Variants in PSMD14 observed in about 807,000 individuals in gnomAD.
The protein encoded by PSMD14 is ubiquitin C-terminal hydrolase PSMD14.
Under a neutral mutation model 41.2 loss-of-function variants are expected in PSMD14, and 7 were observed. That is an observed-to-expected ratio of 0.17 (90% confidence interval 0.10 to 0.32). The LOEUF (loss-of-function observed/expected upper bound fraction) is 0.32. Among genes scored for constraint, PSMD14 ranks in the 10% least tolerant of loss-of-function variants. PSMD14 has a pLI of 1.00. For missense variants in PSMD14, 139 were observed against 375.6 expected (o/e 0.37, Z 5.21); for synonymous variants, 114 against 122.3 (o/e 0.93, Z 0.45).
intron 10 of PSMD14, among the ~76,000 whole-genome samples, chr2:161,405,899 A>C (rs540654746): frequency 2.0e-5 from 3 of 152,304 alleles, no homozygotes; most frequent in African/African-American, 7.2e-5. Flanking sequence ...ATGATGTGGA[A>C]TAAGAGAGAT....
intron 10 of PSMD14, among the ~76,000 whole-genome samples, chr2:161,407,117 A>G (rs1447897554): frequency 6.6e-6 from 1 of 152,124 alleles, no homozygotes; most frequent in Non-Finnish European, 1.5e-5. Flanking sequence ...ATGGAGTACA[A>G]ACTTATGTGA....
At chr2:161,337,094 T>A (rs1681288490) in intron 3 of PSMD14, among the ~76,000 whole-genome samples, 1 of 152,238 alleles carries the variant, frequency 6.6e-6, no homozygotes, top group African/African-American at 2.4e-5. Context: ...GTATGCTGAT[T>A]AAGAATCAAT....
At chr2:161,367,053 A>G (rs1051029577) in intron 3 of PSMD14, among the ~76,000 whole-genome samples, 1 of 152,142 alleles carries the variant, frequency 6.6e-6, no homozygotes, top group African/African-American at 2.4e-5. Flanking sequence ...CTTCTCCTCC[A>G]CTGTTGTGAT....
intron 3 of PSMD14, among the ~76,000 whole-genome samples, chr2:161,345,834 CCAAT>C (rs897585010): frequency 5.9e-5 from 9 of 151,918 alleles, no homozygotes; most frequent in African/African-American, 2.4e-5. Flanking sequence ...ATTTTTTTCC[CCAAT>C]CATTTTGCCC....
intron 3 of PSMD14, among the ~76,000 whole-genome samples, chr2:161,326,975 T>C (rs1387091997): frequency 6.6e-6 from 1 of 152,152 alleles, no homozygotes; most frequent in African/African-American, 2.4e-5. Flanking sequence ...GTTGAATCTG[T>C]GGATGAGAAA....
At chr2:161,383,787 T>C (rs952757769) in intron 7 of PSMD14, 41 of 151,646 alleles carry the variant, frequency 2.7e-4, no homozygotes, top group Non-Finnish European at 8.9e-5. Context: ...ATTTAAGTTA[T>C]ATACCTATCT....
At chr2:161,315,330 T>C (rs188761391) in intron 1 of PSMD14, among the ~76,000 whole-genome samples, 27 of 152,356 alleles carry the variant, frequency 1.8e-4, no homozygotes, top group African/African-American at 6.0e-4. Context: ...AATTTTATTG[T>C]CATCATTAGA....
At chr2:161,361,984 T>C (rs1683295446) in intron 3 of PSMD14, among the ~76,000 whole-genome samples, 1 of 152,348 alleles carries the variant, frequency 6.6e-6, no homozygotes, top group African/African-American at 2.4e-5. Flanking sequence ...TTTCTTGATT[T>C]CCTACTGTTG....
At chr2:161,406,015 A>C in intron 10 of PSMD14, among the ~76,000 whole-genome samples, 1 of 152,116 alleles carries the variant, frequency 6.6e-6, no homozygotes, top group East Asian at 1.9e-4. Context: ...AAAACAACAA[A>C]AAATCCATTG....
chr2:161,368,269 C>G (rs1237403900), intron 5 of PSMD14, among the ~76,000 whole-genome samples: 4 of 152,056 alleles, frequency 2.6e-5, no homozygotes, highest in Non-Finnish European at 5.9e-5. Flanking sequence ...TTTCAACTCA[C>G]ATATACTGGT....
intron 1 of PSMD14, among the ~76,000 whole-genome samples, chr2:161,313,449 A>C (rs1352985009): frequency 2.0e-5 from 3 of 152,150 alleles, no homozygotes; most frequent in Admixed American, 2.0e-4. Flanking sequence ...TCCTGGGTTC[A>C]AGTGGTCCTC....
At chr2:161,311,876 A>G (rs554710654) in intron 1 of PSMD14, among the ~76,000 whole-genome samples, 2 of 151,628 alleles carry the variant, frequency 1.3e-5, no homozygotes, top group East Asian at 2.0e-4. Flanking sequence ...CGGCCTCCCA[A>G]AGAGCTGGGA....
At chr2:161,393,287 C>T (rs1243082335) in intron 9 of PSMD14, among the ~76,000 whole-genome samples, 1 of 152,136 alleles carries the variant, frequency 6.6e-6, no homozygotes, top group Non-Finnish European at 1.5e-5. Flanking sequence ...TGTAGCAGCA[C>T]CCACATTTCC....
intron 3 of PSMD14, among the ~76,000 whole-genome samples, chr2:161,355,832 G>T (rs149296686): frequency 4.6e-4 from 70 of 152,270 alleles, no homozygotes; most frequent in African/African-American, 1.6e-3. Context: ...TGTTGGATCC[G>T]CAAACAGAAA....
At chr2:161,346,806 C>G (rs1683050539) in intron 3 of PSMD14, among the ~76,000 whole-genome samples, 1 of 151,846 alleles carries the variant, frequency 6.6e-6, no homozygotes, top group African/African-American at 2.4e-5. Context: ...GGAACAGGAA[C>G]TCTTTCCAGT....
intron 10 of PSMD14, among the ~76,000 whole-genome samples, chr2:161,402,678 T>C (rs1683895873): frequency 8.4e-6 from 1 of 119,664 alleles, no homozygotes; most frequent in African/African-American, 3.3e-5. Context: ...GAAAAGAAAG[T>C]ATACAAGAAT....
intron 11 of PSMD14, 78 bp from the exon 12 acceptor site, chr2:161,411,224 G>T: frequency 1.2e-6 from 1 of 829,644 alleles, no homozygotes. Context: ...AGTTTCATCA[G>T]CTACTGAAAA....
At chr2:161,313,580 C>T (rs1689116503) in intron 1 of PSMD14, among the ~76,000 whole-genome samples, 1 of 152,150 alleles carries the variant, frequency 6.6e-6, no homozygotes, top group Non-Finnish European at 1.5e-5. Context: ...GAGCTTCTGA[C>T]CTCAAGTGAT....
chr2:161,382,970 A>G (rs967450800), intron 7 of PSMD14: 5 of 150,734 alleles, frequency 3.3e-5, no homozygotes, highest in African/African-American at 9.7e-5. Context: ...CTGTCATTCT[A>G]TTGCATCATG....
Sources: allele counts gnomAD v4.1 joint callset (sites outside exome capture counted in the v4.1 genomes callset), GRCh38; gene constraint gnomAD v4.1.1; transcripts MANE v1.5; gene names NCBI Gene and HGNC (gene_info 2026-07-23, HGNC 2026-07-21).